The following REEP5 variants were observed in gnomAD, a reference collection of about 807,000 sequenced individuals.
The protein encoded by REEP5 is receptor expression-enhancing protein 5.
In REEP5, 24 loss-of-function variants were observed where a neutral mutation model predicts 22.4. That is an observed-to-expected ratio of 1.07 (90% CI 0.78 to 1.51). REEP5 has a LOEUF of 1.51. Among genes scored for constraint, REEP5 ranks in the 40% most tolerant of loss-of-function variants. The pLI is 0.00. For synonymous variants in REEP5, 103 were observed against 88.6 expected (o/e 1.16, Z -0.92); for missense variants, 252 against 233.0 (o/e 1.08, Z -0.53).
chr5:112,894,843 G>C (rs1424171925), intron 3 of REEP5: 1 of 152,152 alleles, frequency 6.6e-6, no homozygotes, highest in Non-Finnish European at 1.5e-5. Flanking sequence ...TTCCTACATA[G>C]AATATCTGAT....
intron 2 of REEP5, among the ~76,000 whole-genome samples, chr5:112,906,789 C>G (rs1438075394): frequency 6.6e-6 from 1 of 152,170 alleles, no homozygotes; most frequent in African/African-American, 2.4e-5. Flanking sequence ...TAATGCAGAA[C>G]TGTGTTTGGA....
At chr5:112,898,419 C>T (rs1768756800) in intron 3 of REEP5, 1 of 152,176 alleles carries the variant, frequency 6.6e-6, no homozygotes, top group African/African-American at 2.4e-5. Context: ...TTCATTTTAC[C>T]ATTAGGGAAG....
chr5:112,880,712 A>C (rs1050040432), intron 4 of REEP5, among the ~76,000 whole-genome samples: 1 of 152,238 alleles, frequency 6.6e-6, no homozygotes, highest in African/African-American at 2.4e-5. Flanking sequence ...TTGGATTTTA[A>C]GTATTGATAT....
intron 3 of REEP5, chr5:112,892,499 C>T: frequency 6.2e-7 from 1 of 1,614,204 alleles, no homozygotes; most frequent in South Asian, 1.1e-5. Flanking sequence ...GAATGCCAAG[C>T]AGCCCTTTCT....
intron 3 of REEP5, among the ~76,000 whole-genome samples, chr5:112,890,875 G>A (rs2150038562): frequency 6.7e-6 from 1 of 150,366 alleles, no homozygotes; most frequent in South Asian, 2.1e-4. Flanking sequence ...TATAAAATAG[G>A]TATTAATTGA....
chr5:112,895,591 T>G (rs958242186), intron 3 of REEP5: 1 of 152,214 alleles, frequency 6.6e-6, no homozygotes, highest in Non-Finnish European at 1.5e-5. Context: ...CTCTAGCTAT[T>G]GTCTTGAGAC....
intron 3 of REEP5, chr5:112,893,094 T>TTAAAAA (rs781185558): frequency 8.0e-6 from 4 of 501,508 alleles, no homozygotes; most frequent in Admixed American, 4.2e-5. Context: ...GTTTTGTTCT[T>TTAAAAA]AAAAAAAAAA....
At chr5:112,896,078 GA>G (rs1330032962) in intron 3 of REEP5, 1 of 152,664 alleles carries the variant, frequency 6.6e-6, no homozygotes, top group East Asian at 1.9e-4. Context: ...TGCAGTTACG[GA>G]ACTGAGAGTT....
chr5:112,921,932 G>C (rs1364770960), intron 1 of REEP5, 141 bp downstream of exon 1: 1 of 1,110,294 alleles, frequency 9.0e-7, no homozygotes, highest in Non-Finnish European at 1.2e-6. Flanking sequence ...CGGGAGGCCA[G>C]CCTGATCCCT....
At chr5:112,901,091 G>A (rs1175577164) in intron 3 of REEP5, among the ~76,000 whole-genome samples, 2 of 151,952 alleles carry the variant, frequency 1.3e-5, no homozygotes, top group African/African-American at 2.4e-5. Context: ...TGCCCGCCTC[G>A]GCCTCCCAAA....
intron 3 of REEP5, chr5:112,896,797 G>C (rs942319449): frequency 1.3e-5 from 2 of 152,198 alleles, no homozygotes; most frequent in Non-Finnish European, 2.9e-5. Flanking sequence ...GCCGGGCGTG[G>C]TTGTGCACCT....
chr5:112,887,249 C>T (rs1036478504), intron 3 of REEP5, 66 bp from the exon 4 acceptor site: 2 of 1,369,078 alleles, frequency 1.5e-6, no homozygotes, highest in African/African-American at 2.8e-5. Flanking sequence ...AGAATACACA[C>T]TGTCTTTCAC....
At chr5:112,908,726 TTGTATTTTTTAGTAGAGACGGG>T (rs894761591) in intron 2 of REEP5, among the ~76,000 whole-genome samples, 3 of 151,734 alleles carry the variant, frequency 2.0e-5, no homozygotes, top group African/African-American at 4.8e-5. Context: ...AGCTAATTTT[TTGTATTTTTTAGTAGAGACGGG>T]GTTTCACCTT....
chr5:112,879,859 G>A (rs577745098), intron 4 of REEP5, among the ~76,000 whole-genome samples: 30 of 152,044 alleles, frequency 2.0e-4, no homozygotes, highest in Admixed American at 1.6e-3. Flanking sequence ...TGGGAAGATC[G>A]CTTGAAGCCA....
intron 2 of REEP5, among the ~76,000 whole-genome samples, chr5:112,914,243 C>G (rs1018877291): frequency 3.3e-5 from 5 of 151,014 alleles, no homozygotes; most frequent in Non-Finnish European, 2.9e-5. Flanking sequence ...CTTCCTCAGC[C>G]TCCCAAGTGT....
At chr5:112,907,033 T>G (rs554024465) in intron 2 of REEP5, among the ~76,000 whole-genome samples, 1 of 152,240 alleles carries the variant, frequency 6.6e-6, no homozygotes, top group South Asian at 2.1e-4. Flanking sequence ...CTCACCTGAA[T>G]ATTCTGAAAT....
At chr5:112,911,146 T>C (rs543197385) in intron 2 of REEP5, among the ~76,000 whole-genome samples, 2 of 152,328 alleles carry the variant, frequency 1.3e-5, no homozygotes, top group African/African-American at 4.8e-5. Flanking sequence ...GCCTTAGCGC[T>C]ATATGGCAAC....
intron 3 of REEP5, chr5:112,896,039 A>G (rs75980664): frequency 6.2e-4 from 94 of 152,712 alleles, no homozygotes; most frequent in African/African-American, 2.1e-3. Flanking sequence ...CCCAGAAGAG[A>G]TATTTCCCAG....
At chr5:112,882,589 C>A (rs1333676311) in intron 4 of REEP5, among the ~76,000 whole-genome samples, 1 of 152,166 alleles carries the variant, frequency 6.6e-6, no homozygotes, top group Non-Finnish European at 1.5e-5. Flanking sequence ...CTCAAGCATG[C>A]CTTTAACACT....
Sources: gnomAD v4.1 joint callset for allele counts (sites outside exome capture counted in the v4.1 genomes callset) on GRCh38, gnomAD v4.1.1 for gene constraint, MANE v1.5 for transcripts, NCBI Gene and HGNC (gene_info 2026-07-23, HGNC 2026-07-21) for gene names.